Variants in FNDC3A observed in about 807,000 individuals in gnomAD.
FNDC3A encodes the protein fibronectin type III domain containing 3A.
FNDC3A carries 32 observed loss-of-function variants against 148.9 expected under a neutral mutation model. The ratio of observed to expected loss-of-function variants is 0.21; its 90% CI spans 0.16 to 0.29. The LOEUF (loss-of-function observed/expected upper bound fraction) is 0.29. Among genes scored for constraint, FNDC3A ranks in the 10% least tolerant of loss-of-function variants. The pLI is 1.00. For synonymous variants in FNDC3A, 472 were observed against 473.6 expected, an observed-to-expected ratio of 1.00 and a Z score of 0.04; for missense variants, 1,191 against 1,452.8, an observed-to-expected ratio of 0.82 and a Z score of 2.93.
At position 49,135,154 on chromosome 13, in the gene FNDC3A, C is replaced by T. The variant is rs189565903; in HGVS notation, c.491-1178C>T. Among the ~76,000 whole-genome samples, 251 of 152,004 alleles carry T rather than the reference C, an allele frequency of 1.7e-3. 1 individual carries two copies. Among genetic ancestry groups the T allele is most frequent in the African/African-American group, 5.9e-3 (244 of 41,478 alleles). The stretch of plus-strand genomic sequence containing the variant: ...ACAGGCGTGAGCCACTGCGCCCAGC[C>T]CCATTCATATATTTTCTTTGGAGAA... On this transcript the variant is annotated intron_variant, in intron 5 of 25. Coordinates refer to ENST00000492622, the MANE Select transcript of FNDC3A (RefSeq NM_001079673.2).
intron 1 of FNDC3A, among the ~76,000 whole-genome samples, chr13:48,995,371 GTACTGTTTTA>G (rs1952004706): frequency 6.8e-6 from 1 of 146,200 alleles, no homozygotes; most frequent in South Asian, 2.1e-4. Flanking sequence ...ACCAAATCTT[GTACTGTTTTA>G]TACTTCCAGT....
chr13:49,056,275 T>G (rs911884644), intron 2 of FNDC3A, among the ~76,000 whole-genome samples: 2 of 152,082 alleles, frequency 1.3e-5, no homozygotes, highest in Non-Finnish European at 2.9e-5. Flanking sequence ...GCCTCAGCCT[T>G]CCAAAGTGAT....
At chr13:49,163,863 G>A (rs775017478) in intron 8 of FNDC3A, among the ~76,000 whole-genome samples, 10 of 152,156 alleles carry the variant, frequency 6.6e-5, no homozygotes, top group Non-Finnish European at 1.3e-4. Context: ...ATATCTGGTT[G>A]TTTTTATGTT....
At chr13:49,160,865 A>G (rs1884059051) in intron 8 of FNDC3A, among the ~76,000 whole-genome samples, 1 of 151,642 alleles carries the variant, frequency 6.6e-6, no homozygotes, top group Non-Finnish European at 1.5e-5. Flanking sequence ...TTCTGCCTTC[A>G]TTTCGTTATG....
rs1884521340 is a variant in FNDC3A, at chr13:49,167,298, T to A, written c.1032T>A (p.His344Gln). ...LNDLKPAMDYHAKVQAEYNSI... is the reference protein window; with the variant it reads ...LNDLKPAMDYQAKVQAEYNSI... ...ATCTCAAGCCAGCCATGGATTACCA[T>A]GCAAAGTAAGGAATTCCTACAGATT... Residue 344 changes from histidine (H) to glutamine (Q), a missense_variant, in exon 9 of 26, where the codon CAT becomes CAA. Around this residue, in one of 3 missense-constraint regions of FNDC3A, gnomAD observed 426 missense variants for 473.2 expected, o/e 0.90. Coordinates refer to ENST00000492622, the MANE Select transcript of FNDC3A (RefSeq NM_001079673.2). The A allele has an allele frequency of 6.3e-7, 1 of 1,598,676 alleles. No homozygotes were observed. Among genetic ancestry groups the A allele is most frequent in the Non-Finnish European group, 8.5e-7 (1 of 1,169,890 alleles).
At chr13:49,161,511 G>A (rs958228068) in intron 8 of FNDC3A, among the ~76,000 whole-genome samples, 1 of 152,078 alleles carries the variant, frequency 6.6e-6, no homozygotes, top group African/African-American at 2.4e-5. Flanking sequence ...GTATTCAGCA[G>A]ATGGGACCCC....
At chr13:49,206,678 T>C (rs994138398) in intron 25 of FNDC3A, among the ~76,000 whole-genome samples, 10 of 152,252 alleles carry the variant, frequency 6.6e-5, no homozygotes, top group South Asian at 2.1e-4. Context: ...TATGGAAATT[T>C]ATCAGTTATA....
intron 1 of FNDC3A, among the ~76,000 whole-genome samples, chr13:48,992,109 G>T (rs1191804725): frequency 5.3e-5 from 8 of 152,164 alleles, no homozygotes; most frequent in Non-Finnish European, 1.0e-4. Context: ...ACAAGTTGGG[G>T]ATTGTCTGTA....
At chr13:49,141,600 C>A (rs1464231979) in intron 7 of FNDC3A, among the ~76,000 whole-genome samples, 1 of 152,018 alleles carries the variant, frequency 6.6e-6, no homozygotes, top group Non-Finnish European at 1.5e-5. Context: ...ACTCTCATTT[C>A]TTTCTTCTAC....
At chr13:49,194,589 G>A (rs1038355737) in intron 19 of FNDC3A, among the ~76,000 whole-genome samples, 11 of 151,954 alleles carry the variant, frequency 7.2e-5, no homozygotes, top group African/African-American at 2.4e-4. Context: ...ATGAGTCCAT[G>A]AAATATAATG....
At chr13:49,106,773 C>CAAAAAAAAAAAAAAAAAAAAAAAAACAAA (rs543962565) in intron 3 of FNDC3A, among the ~76,000 whole-genome samples, 1 of 79,890 alleles carries the variant, frequency 1.3e-5, no homozygotes, top group Non-Finnish European at 2.3e-5. Context: ...TGAATGAAAG[C>CAAAAAAAAAAAAAAAAAAAAAAAAACAAA]AAAAAAAAAA....
Position 49,161,134 on chromosome 13 carries a change from G to T in FNDC3A, c.978-6110G>T, listed in dbSNP as rs141645243. Among the ~76,000 whole-genome samples the T allele has an allele frequency of 5.9e-5, 9 of 152,286 alleles. No individual in the cohort carries two copies. The East Asian group carries it at 1.5e-3, about 26-fold the overall frequency. On this transcript the variant is annotated intron_variant, in intron 8 of 25. Coordinates refer to ENST00000492622, the MANE Select transcript of FNDC3A (RefSeq NM_001079673.2). Reference sequence around the variant, plus strand: ...GGAGAGTTCTGTAGATGTCTATTAGGTCCAGTTGGTGCAGACTTGAGTTCA... The same window carrying T: ...GGAGAGTTCTGTAGATGTCTATTAGTTCCAGTTGGTGCAGACTTGAGTTCA...
At chr13:49,090,740 G>A (rs1463587963) in intron 3 of FNDC3A, among the ~76,000 whole-genome samples, 2 of 152,146 alleles carry the variant, frequency 1.3e-5, no homozygotes, top group African/African-American at 4.8e-5. Context: ...AGTGGCTCAT[G>A]CCTGTAATCA....
intron 10 of FNDC3A, 34 bp downstream of exon 10, chr13:49,168,785 C>T (rs1689006857): frequency 1.3e-6 from 2 of 1,593,836 alleles, no homozygotes; most frequent in African/African-American, 1.3e-5. Context: ...TCCAACTGGA[C>T]ATGTGTTTCT....
At chr13:49,112,137 G>C (rs771136683) in intron 3 of FNDC3A, among the ~76,000 whole-genome samples, 3 of 152,154 alleles carry the variant, frequency 2.0e-5, no homozygotes, top group African/African-American at 4.8e-5. Flanking sequence ...ATGACTTGAT[G>C]TAAGGATTAA....
intron 3 of FNDC3A, among the ~76,000 whole-genome samples, chr13:49,106,302 T>C (rs1348429569): frequency 6.6e-6 from 1 of 152,172 alleles, no homozygotes; most frequent in East Asian, 1.9e-4. Context: ...AAATCCTTTT[T>C]ACCCTACTCT....
chr13:49,145,061 TTAAG>T lies in FNDC3A; in HGVS notation c.820-715_820-712del, dbSNP rs141643188. Among the ~76,000 whole-genome samples the T allele has an allele frequency of 9.5e-3, 1,443 of 152,304 alleles. 14 individuals are homozygous for T. The highest frequency in any genetic ancestry group is 0.023 in the African/African-American group (938 of 41,570). ...ATTAATAATGCTGCAATGAACATTC[TTAAG>T]TGTGTATATTTGTATACATATGTTA... On this transcript the variant is annotated intron_variant, in intron 7 of 25. Transcript: ENST00000492622.
intron 3 of FNDC3A, among the ~76,000 whole-genome samples, chr13:49,102,636 A>G (rs1879935347): frequency 6.6e-6 from 1 of 152,208 alleles, no homozygotes; most frequent in Admixed American, 6.5e-5. Context: ...TATAGTGAGG[A>G]CAATACAGGA....
At position 49,207,725 on chromosome 13, in the gene FNDC3A, G is replaced by GT. The variant is rs1381995116; in HGVS notation, c.*331dup. 2 of 222,454 alleles carry GT rather than the reference G, an allele frequency of 9.0e-6. No individual in the cohort carries two copies. The highest frequency in any genetic ancestry group is 1.8e-5 in the Non-Finnish European group (2 of 111,496). 13.8% of individuals were successfully genotyped at this position (222,454 alleles called of 1,614,324 possible). A position where few individuals can be genotyped will look rare whatever the true frequency, so the allele number is the denominator to read the frequency against. ...GATATTTTGACGAATCGGCATGAGT[G>GT]TAACAGTGATAACCTGATCTGTTTG... On this transcript the variant is annotated 3_prime_UTR_variant, in exon 26 of 26. Coordinates refer to ENST00000492622, the MANE Select transcript of FNDC3A (RefSeq NM_001079673.2).
Sources: allele counts gnomAD v4.1 joint callset (sites outside exome capture counted in the v4.1 genomes callset), GRCh38; gene constraint gnomAD v4.1.1; regional missense constraint gnomAD v4.1.1; transcripts MANE v1.5; gene names NCBI Gene and HGNC (gene_info 2026-07-23, HGNC 2026-07-21).